The following IL1RAPL1 variants were observed in gnomAD, a reference collection of about 807,000 sequenced individuals.
IL1RAPL1 encodes interleukin 1 receptor accessory protein like 1, also known as interleukin-1 receptor accessory protein-like 1.
A neutral mutation model predicts 48.4 loss-of-function variants in IL1RAPL1; 3 were observed. That is an observed-to-expected ratio of 0.06 (90% CI 0.03 to 0.16). The LOEUF (loss-of-function observed/expected upper bound fraction) is 0.16. Ranked by LOEUF, IL1RAPL1 falls within the 10% of genes least tolerant of loss-of-function variation. The pLI is 1.00. For missense variants in IL1RAPL1, 349 were observed against 530.6 expected (o/e 0.66, Z 3.36); for synonymous variants, 185 against 187.7 (o/e 0.99, Z 0.12).
At chrX:29,358,876 C>A (rs900151020) in intron 3 of IL1RAPL1, among the ~76,000 whole-genome samples, 2 of 109,699 alleles carry the variant, frequency 1.8e-5, no homozygotes, top group Admixed American at 9.7e-5. Flanking sequence ...CAAAAATTAG[C>A]CAGGCATGGT....
chrX:29,056,293 T>G (rs936109691), intron 2 of IL1RAPL1, among the ~76,000 whole-genome samples: 2 of 111,373 alleles, frequency 1.8e-5, no homozygotes, highest in Non-Finnish European at 3.8e-5. Context: ...TGGGTTAATT[T>G]GCAACTGACC....
At chrX:29,588,927 C>T (rs1024430480) in intron 5 of IL1RAPL1, among the ~76,000 whole-genome samples, 1 of 111,764 alleles carries the variant, frequency 8.9e-6, no homozygotes, top group Non-Finnish European at 1.9e-5. Flanking sequence ...TGGAGCAAGC[C>T]GTGCTCCAGA....
chrX:28,898,774 T>C (rs1922998804), intron 2 of IL1RAPL1, among the ~76,000 whole-genome samples: 1 of 110,937 alleles, frequency 9.0e-6, no homozygotes, highest in African/African-American at 3.3e-5. Context: ...ACTTCCTAGG[T>C]GATGCTGCTG....
intron 2 of IL1RAPL1, among the ~76,000 whole-genome samples, chrX:29,169,807 A>T (rs910923069): frequency 2.7e-5 from 3 of 111,239 alleles, no homozygotes; most frequent in African/African-American, 6.5e-5. Context: ...GCAATAAAGG[A>T]TAAGAAAATA....
intron 2 of IL1RAPL1, among the ~76,000 whole-genome samples, chrX:28,948,186 T>G (rs899086276): frequency 6.3e-5 from 7 of 111,273 alleles, no homozygotes; most frequent in African/African-American, 2.3e-4. Context: ...AATGAAAAAT[T>G]TGGTTATGAT....
chrX:29,348,594 GGA>G (rs1320996575), intron 3 of IL1RAPL1, among the ~76,000 whole-genome samples: 1 of 111,584 alleles, frequency 9.0e-6, no homozygotes, highest in Non-Finnish European at 1.9e-5. Flanking sequence ...ATTTAGGAGG[GGA>G]GAGAGGGGCC....
At chrX:29,691,801 A>C (rs1244087932) in intron 6 of IL1RAPL1, among the ~76,000 whole-genome samples, 1 of 109,085 alleles carries the variant, frequency 9.2e-6, no homozygotes, top group African/African-American at 3.3e-5. Flanking sequence ...GCTGCTACCA[A>C]ATTTTGCATC....
At chrX:28,733,323 C>T (rs1935779388) in intron 1 of IL1RAPL1, among the ~76,000 whole-genome samples, 1 of 110,444 alleles carries the variant, frequency 9.1e-6, no homozygotes, top group Non-Finnish European at 1.9e-5. Context: ...GTATACCATC[C>T]CCCAGCTCCT....
chrX:29,759,192 A>G (rs906457688), intron 6 of IL1RAPL1, among the ~76,000 whole-genome samples: 1 of 112,272 alleles, frequency 8.9e-6, no homozygotes, highest in African/African-American at 3.2e-5. Context: ...AATTGTTGTC[A>G]TTAGCATTTT....
chrX:29,035,549 G>A (rs1224529818), intron 2 of IL1RAPL1, among the ~76,000 whole-genome samples: 1 of 111,216 alleles, frequency 9.0e-6, no homozygotes, highest in Admixed American at 9.6e-5. Context: ...GGCAGAAGGC[G>A]GAGAATTGCT....
chrX:29,152,537 A>G (rs1438279607), intron 2 of IL1RAPL1, among the ~76,000 whole-genome samples: 4 of 111,976 alleles, frequency 3.6e-5, no homozygotes, highest in Non-Finnish European at 5.6e-5. Flanking sequence ...TTTTAATTAC[A>G]TTATAACTTG....
At chrX:28,904,839 G>C (rs1177972980) in intron 2 of IL1RAPL1, among the ~76,000 whole-genome samples, 1 of 111,759 alleles carries the variant, frequency 8.9e-6, no homozygotes, top group Non-Finnish European at 1.9e-5. Context: ...AATATCAAAA[G>C]TTTTCCATAA....
chrX:28,993,375 C>T (rs1001019449), intron 2 of IL1RAPL1, among the ~76,000 whole-genome samples: 1 of 111,519 alleles, frequency 9.0e-6, no homozygotes, highest in African/African-American at 3.3e-5. Context: ...GAGCTGTTGC[C>T]ATTGTCCAGA....
At chrX:29,270,864 T>A (rs1326347322) in intron 2 of IL1RAPL1, among the ~76,000 whole-genome samples, 2 of 112,072 alleles carry the variant, frequency 1.8e-5, no homozygotes, top group Non-Finnish European at 3.8e-5. Context: ...TAATTTTTTT[T>A]AAACTTCTGT....
chrX:29,598,990 T>A (rs1413749573), intron 5 of IL1RAPL1, among the ~76,000 whole-genome samples: 2 of 112,432 alleles, frequency 1.8e-5, no homozygotes, highest in Non-Finnish European at 3.7e-5. Flanking sequence ...CATTCTGCTC[T>A]TATGTATCTT....
intron 3 of IL1RAPL1, among the ~76,000 whole-genome samples, chrX:29,328,308 C>T (rs1416109494): frequency 1.8e-5 from 2 of 111,305 alleles, no homozygotes; most frequent in South Asian, 7.4e-4. Flanking sequence ...AAAGTTAGAA[C>T]AATGGAAAGA....
chrX:29,950,680 T>TC (rs1461955539), intron 9 of IL1RAPL1, among the ~76,000 whole-genome samples: 7 of 104,784 alleles, frequency 6.7e-5, no homozygotes, highest in African/African-American at 2.5e-4. Context: ...CTTTTTTTTT[T>TC]TTTTCTTTTT....
intron 2 of IL1RAPL1, among the ~76,000 whole-genome samples, chrX:28,974,362 G>A (rs746598128): frequency 1.6e-4 from 18 of 111,965 alleles, no homozygotes; most frequent in Middle Eastern, 4.2e-3. Flanking sequence ...TAATTATTGA[G>A]TTTTCAATAA....
chrX:29,594,755 G>A (rs1923487913), intron 5 of IL1RAPL1, among the ~76,000 whole-genome samples: 1 of 110,664 alleles, frequency 9.0e-6, no homozygotes, highest in Admixed American at 9.7e-5. Context: ...TATTTCAATA[G>A]GTTTTTAAGG....
Sources: allele counts gnomAD v4.1 joint callset (sites outside exome capture counted in the v4.1 genomes callset), GRCh38; gene constraint gnomAD v4.1.1; transcripts MANE v1.5; gene names NCBI Gene and HGNC (gene_info 2026-07-23, HGNC 2026-07-21).